The following RGPD3 variants were observed in gnomAD, a reference collection of about 807,000 sequenced individuals.
RGPD3 encodes the protein RANBP2 like and GRIP domain containing 3.
A neutral mutation model predicts 154.5 loss-of-function variants in RGPD3; 62 were observed. That is an observed-to-expected ratio of 0.40 (90% CI 0.33 to 0.50). RGPD3 has a LOEUF of 0.50. Ranked by LOEUF, RGPD3 falls within the 20% of genes least tolerant of loss-of-function variation. RGPD3 has a pLI of 0.59. For missense variants in RGPD3, 919 were observed against 1,716.8 expected, an observed-to-expected ratio of 0.54 and a Z score of 8.21; for synonymous variants, 308 against 607.0, an observed-to-expected ratio of 0.51 and a Z score of 7.24.
chr2:106,467,892 T>G (rs1678683438), intron 1 of RGPD3, among the ~76,000 whole-genome samples: 5 of 135,330 alleles, frequency 3.7e-5, no homozygotes, highest in South Asian at 2.3e-4. Flanking sequence ...CAGGGCCAGG[T>G]CGAGGCCGGC....
Position 106,468,203 on chromosome 2 carries a change from C to T in RGPD3, c.72+14G>A, listed in dbSNP as rs772739634. ...GCCAGGTCGAGGCCGTCGGTCTCTTCCAGACCCACTCACCTTTCGAGGCGA... is the reference window on the plus strand; with the variant it reads ...GCCAGGTCGAGGCCGTCGGTCTCTTTCAGACCCACTCACCTTTCGAGGCGA... On this transcript the variant is annotated intron_variant, in intron 1 of 22. Coordinates refer to ENST00000409886, the MANE Select transcript of RGPD3 (RefSeq NM_001144013.2). 2.4e-5 allele frequency: 38 copies of T among 1,601,092 alleles called. No homozygotes were observed. The highest frequency in any genetic ancestry group is 1.0e-5 in the Non-Finnish European group (12 of 1,174,924).
chr2:106,437,291 A>C (rs10190278), intron 9 of RGPD3, among the ~76,000 whole-genome samples: 7 of 123,872 alleles, frequency 5.7e-5, no homozygotes, highest in South Asian at 3.3e-4. Flanking sequence ...TGAAAAGGTT[A>C]TGCGCAGTCA....
chr2:106,437,525 G>C (rs1265728470), intron 9 of RGPD3, among the ~76,000 whole-genome samples: 1 of 152,084 alleles, frequency 6.6e-6, no homozygotes. Context: ...AAAAAGAAAA[G>C]AAAAGAAAAG....
chr2:106,430,179 G>A (rs1476731076), intron 17 of RGPD3, among the ~76,000 whole-genome samples: 3 of 150,152 alleles, frequency 2.0e-5, no homozygotes, highest in East Asian at 2.0e-4. Flanking sequence ...CACCACGCCC[G>A]GACCTGATTA....
upstream of RGPD3, among the ~76,000 whole-genome samples, chr2:106,470,369 A>G (rs1678783780): frequency 6.6e-6 from 1 of 152,180 alleles, no homozygotes; most frequent in Non-Finnish European, 1.5e-5. Context: ...CTACCTACAG[A>G]TATCCTACTC....
In RGPD3 at chr2:106,467,060, G is replaced by A. The variant is rs1311460542; in HGVS notation, c.72+1157C>T. Among the ~76,000 whole-genome samples, 4 of 122,576 alleles carry A rather than the reference G, an allele frequency of 3.3e-5. 1 individual carries two copies. The highest frequency in any genetic ancestry group is 7.1e-5 in the Non-Finnish European group (4 of 56,642). 80.4% of individuals were successfully genotyped at this position (122,576 alleles called of 152,430 possible). A position where few individuals can be genotyped will look rare whatever the true frequency, so the allele number is the denominator to read the frequency against. Reference sequence around the variant, plus strand: ...AGCGCGCCAGGTAACAGCGCCGGTCGGGAGCCATGACGCCTGAGCCATCGA... The same window carrying A: ...AGCGCGCCAGGTAACAGCGCCGGTCAGGAGCCATGACGCCTGAGCCATCGA... On this transcript the variant is annotated intron_variant, in intron 1 of 22. Coordinates refer to ENST00000409886, the MANE Select transcript of RGPD3 (RefSeq NM_001144013.2).
At chr2:106,411,021 G>A (rs1207661040) in intron 22 of RGPD3, among the ~76,000 whole-genome samples, 1 of 150,314 alleles carries the variant, frequency 6.7e-6, no homozygotes, top group Non-Finnish European at 1.5e-5. Flanking sequence ...AAAAAATTAA[G>A]CCTGAATCTT....
At chr2:106,409,675 A>G (rs186651121) in intron 22 of RGPD3, among the ~76,000 whole-genome samples, 2,496 of 151,234 alleles carry the variant, frequency 0.017, 37 homozygotes, top group Non-Finnish European at 0.028. Context: ...GGGTTTTTGA[A>G]TCTGTGGATA....
At chr2:106,411,535 AAAC>A (rs1267923704) in intron 22 of RGPD3, among the ~76,000 whole-genome samples, 1 of 150,844 alleles carries the variant, frequency 6.6e-6, no homozygotes, top group Admixed American at 6.7e-5. Context: ...ATAGATAAAA[AAAC>A]AACAAAATGG....
chr2:106,465,824 T>C (rs1678557733), intron 1 of RGPD3, among the ~76,000 whole-genome samples: 1 of 150,740 alleles, frequency 6.6e-6, no homozygotes, highest in South Asian at 2.1e-4. Flanking sequence ...GCTGGACCCT[T>C]ACAAAGGGAC....
intron 1 of RGPD3, among the ~76,000 whole-genome samples, chr2:106,463,014 A>G (rs1168748221): frequency 6.6e-6 from 1 of 150,504 alleles, no homozygotes; most frequent in African/African-American, 2.4e-5. Context: ...TCATTAAAAA[A>G]AAGGGTAAGA....
chr2:106,462,066 T>G (rs546531521), intron 1 of RGPD3, among the ~76,000 whole-genome samples: 1 of 152,136 alleles, frequency 6.6e-6, no homozygotes, highest in East Asian at 1.9e-4. Flanking sequence ...GTATTTTCAG[T>G]AGAGATGGGG....
In RGPD3 at chr2:106,423,959, TTC is replaced by T. The variant is rs756111379; in HGVS notation, c.4006_4007del (p.Glu1336ThrfsTer7). ...QEEERDGQYF[E>X]PVVPLPDLVE... ...CTAGATCAGGTAAAGGAACAACAGG[TTC>T]AAAGTACTGTCCATCTCTCTCTTCT... On this transcript the variant is annotated frameshift_variant, in exon 20 of 23. Transcript: ENST00000409886. LOFTEE classifies it high-confidence loss of function. The T allele has an allele frequency of 1.2e-6, 2 of 1,611,724 alleles. No homozygotes were observed. Among genetic ancestry groups the T allele is most frequent in the Non-Finnish European group, 1.7e-6 (2 of 1,179,814 alleles).
At chr2:106,458,770 G>T (rs1573299623) in intron 2 of RGPD3, among the ~76,000 whole-genome samples, 1 of 72,694 alleles carries the variant, frequency 1.4e-5, no homozygotes, top group Non-Finnish European at 2.9e-5. Flanking sequence ...TTAATTTCCT[G>T]CTTTAATCCA....
chr2:106,408,689 T>A lies in RGPD3; in HGVS notation c.5267-3460A>T, dbSNP rs1332802908. Among the ~76,000 whole-genome samples, 9 of 151,568 alleles carry A rather than the reference T, an allele frequency of 5.9e-5. No individual in the cohort carries two copies. The East Asian group carries it at 9.9e-4, about 17-fold the overall frequency. On this transcript the variant is annotated intron_variant, in intron 22 of 22. Transcript: ENST00000409886. ...TTATTTTTATTTCTTAATTTTTTTTTAAAGATGGGGTTTTACTCTGTTGCC... is the reference window on the plus strand; with the variant it reads ...TTATTTTTATTTCTTAATTTTTTTTAAAAGATGGGGTTTTACTCTGTTGCC...
chr2:106,445,025 G>A (rs1371445190), intron 7 of RGPD3, among the ~76,000 whole-genome samples: 5 of 135,434 alleles, frequency 3.7e-5, no homozygotes, highest in African/African-American at 8.6e-5. Flanking sequence ...GGCAGGGCGC[G>A]GTGGCTCACG....
At chr2:106,411,707 A>G (rs1422098402) in intron 22 of RGPD3, among the ~76,000 whole-genome samples, 230 of 152,112 alleles carry the variant, frequency 1.5e-3, no homozygotes, top group Middle Eastern at 3.4e-3. Flanking sequence ...AGTCTCAGCT[A>G]CTTGGGAGGC....
chr2:106,414,037 C>A (rs571565065), intron 21 of RGPD3, among the ~76,000 whole-genome samples: 3 of 152,042 alleles, frequency 2.0e-5, no homozygotes, highest in African/African-American at 7.2e-5. Context: ...GCAGTTAAGA[C>A]GTCCACAGTG....
chr2:106,446,257 G>A, intron 7 of RGPD3, among the ~76,000 whole-genome samples: 1 of 123,234 alleles, frequency 8.1e-6, no homozygotes, highest in Non-Finnish European at 1.7e-5. Context: ...AAGTTATGCA[G>A]GCTCATTAAA....
Sources: gnomAD v4.1 joint callset for allele counts (sites outside exome capture counted in the v4.1 genomes callset) on GRCh38, gnomAD v4.1.1 for gene constraint, MANE v1.5 for transcripts, NCBI Gene and HGNC (gene_info 2026-07-23, HGNC 2026-07-21) for gene names.